The following RAP1GDS1 variants were observed in gnomAD, a reference collection of about 807,000 sequenced individuals.
RAP1GDS1 encodes RAP1, GTP-GDP dissociation stimulator 1.
RAP1GDS1 carries 35 observed loss-of-function variants against 71.1 expected under a neutral mutation model. The observed-to-expected ratio is 0.49, with a 90% confidence interval of 0.38 to 0.65. The LOEUF is 0.65. RAP1GDS1 is among the 30% of genes least tolerant of loss of function. RAP1GDS1 has a pLI of 0.00. For synonymous variants in RAP1GDS1, 229 were observed against 243.1 expected (o/e 0.94, Z 0.54); for missense variants, 663 against 706.1 (o/e 0.94, Z 0.69).
rs540963651 is a variant in RAP1GDS1, at chr4:98,443,497, AG to A, written c.*1381del. On this transcript the variant is annotated 3_prime_UTR_variant, in exon 15 of 15. Transcript: ENST00000408927. ...TAAAAGGCAAGATGGGCTTCGATAT[AG>A]AAGGACTGCAAGACAGTAGAAAGGG... The A allele has an allele frequency of 7.8e-4, 178 of 229,264 alleles. 1 individual carries two copies. Among genetic ancestry groups the A allele is most frequent in the Non-Finnish European group, 1.6e-4 (18 of 115,516 alleles). The allele number at this position is 229,264 out of a possible 1,614,324, so 14.2% of individuals were successfully genotyped here. A position where few individuals can be genotyped will look rare whatever the true frequency, so the allele number is the denominator to read the frequency against.
intron 11 of RAP1GDS1, among the ~76,000 whole-genome samples, chr4:98,420,459 G>A (rs767209280): frequency 6.6e-6 from 1 of 151,934 alleles, no homozygotes; most frequent in Non-Finnish European, 1.5e-5. Flanking sequence ...TCCGCCTCCT[G>A]GGTTCAAGCA....
chr4:98,410,444 AT>A (rs1746880480), intron 7 of RAP1GDS1, among the ~76,000 whole-genome samples: 1 of 152,140 alleles, frequency 6.6e-6, no homozygotes, highest in Admixed American at 6.5e-5. Flanking sequence ...GGGAGTGTAA[AT>A]TGGTACAATT....
In RAP1GDS1 at chr4:98,370,467, T is replaced by C. The variant is rs552349706; in HGVS notation, c.362-8550T>C. On this transcript the variant is annotated intron_variant, in intron 4 of 14. Transcript: ENST00000408927. Reference sequence around the variant, plus strand: ...TCCTTTTTATTCCTGTGCAGTTTTATATAAACCTCCTTTCTCCTTTTTTCT... The same window carrying C: ...TCCTTTTTATTCCTGTGCAGTTTTACATAAACCTCCTTTCTCCTTTTTTCT... 2.7e-3 allele frequency among the ~76,000 whole-genome samples: 410 copies of C among 152,266 alleles called. 3 individuals are homozygous for C. The highest frequency in any genetic ancestry group is 9.6e-3 in the African/African-American group (397 of 41,546).
At chr4:98,420,613 C>T (rs1748706564) in intron 11 of RAP1GDS1, among the ~76,000 whole-genome samples, 1 of 152,162 alleles carries the variant, frequency 6.6e-6, no homozygotes, top group African/African-American at 2.4e-5. Flanking sequence ...CCACCCACTT[C>T]AGCCTCCCAA....
intron 2 of RAP1GDS1, among the ~76,000 whole-genome samples, chr4:98,323,345 A>C (rs953364017): frequency 2.8e-5 from 4 of 142,266 alleles, no homozygotes; most frequent in South Asian, 2.3e-4. Context: ...CCAGAGGTAC[A>C]AGGAGGAACT....
At chr4:98,296,286 G>A (rs1340606795) in intron 2 of RAP1GDS1, among the ~76,000 whole-genome samples, 1 of 152,014 alleles carries the variant, frequency 6.6e-6, no homozygotes, top group Non-Finnish European at 1.5e-5. Flanking sequence ...TAATGCTTTT[G>A]AAATTTTTAC....
chr4:98,389,534 T>C (rs996087757), intron 5 of RAP1GDS1, among the ~76,000 whole-genome samples: 1 of 152,158 alleles, frequency 6.6e-6, no homozygotes, highest in African/African-American at 2.4e-5. Context: ...TGTATGTGAG[T>C]ATATAATGAA....
intron 13 of RAP1GDS1, 148 bp from the exon 14 acceptor site, chr4:98,436,792 T>G (rs1348638329): frequency 6.5e-6 from 5 of 768,318 alleles, no homozygotes; most frequent in Non-Finnish European, 9.1e-6. Context: ...TTTCACATGG[T>G]CTGAATTTAA....
intron 7 of RAP1GDS1, among the ~76,000 whole-genome samples, chr4:98,410,106 CA>C (rs1318243228): frequency 6.6e-6 from 1 of 151,824 alleles, no homozygotes; most frequent in Non-Finnish European, 1.5e-5. Flanking sequence ...TCATCTCTAC[CA>C]AAAACAAATA....
At chr4:98,394,446 T>A (rs562618725) in intron 6 of RAP1GDS1, among the ~76,000 whole-genome samples, 21 of 152,224 alleles carry the variant, frequency 1.4e-4, no homozygotes, top group African/African-American at 4.8e-4. Flanking sequence ...TCTTTTTTTT[T>A]AAACTTTAAG....
At chr4:98,344,993 T>G (rs1209076853) in intron 3 of RAP1GDS1, among the ~76,000 whole-genome samples, 1 of 152,120 alleles carries the variant, frequency 6.6e-6, no homozygotes, top group African/African-American at 2.4e-5. Context: ...CTGGCTAATT[T>G]TTAAATTATT....
intron 4 of RAP1GDS1, among the ~76,000 whole-genome samples, chr4:98,354,554 G>A (rs1737677534): frequency 1.3e-5 from 2 of 151,966 alleles, no homozygotes; most frequent in Admixed American, 1.3e-4. Flanking sequence ...TATTTCCTGT[G>A]TATTCTAAAG....
chr4:98,309,504 G>C (rs906105786), intron 2 of RAP1GDS1, among the ~76,000 whole-genome samples: 1 of 150,512 alleles, frequency 6.6e-6, no homozygotes, highest in African/African-American at 2.4e-5. Context: ...GTTGAAATAG[G>C]AAGAATAATG....
chr4:98,412,357 G>A (rs1391077410), intron 7 of RAP1GDS1, among the ~76,000 whole-genome samples: 1 of 151,974 alleles, frequency 6.6e-6, no homozygotes, highest in Non-Finnish European at 1.5e-5. Context: ...TACAAAAAAA[G>A]TTTAAAAATT....
chr4:98,262,548 G>T (rs922512012), intron 1 of RAP1GDS1, among the ~76,000 whole-genome samples: 1 of 152,160 alleles, frequency 6.6e-6, no homozygotes, highest in Non-Finnish European at 1.5e-5. Context: ...GTAATTAAGA[G>T]CTCAAAGTTT....
At chr4:98,361,485 G>A (rs186096882) in intron 4 of RAP1GDS1, among the ~76,000 whole-genome samples, 26 of 152,050 alleles carry the variant, frequency 1.7e-4, no homozygotes, top group African/African-American at 6.0e-4. Flanking sequence ...AAAAATATAG[G>A]GAGTAAAGAA....
At chr4:98,413,029 C>G (rs769990317) in intron 7 of RAP1GDS1, among the ~76,000 whole-genome samples, 3 of 152,026 alleles carry the variant, frequency 2.0e-5, no homozygotes, top group South Asian at 2.1e-4. Context: ...AAACAGCGTT[C>G]GAGAGCAGAG....
At chr4:98,293,348 G>T in intron 1 of RAP1GDS1, 60 bp from the exon 2 acceptor site, 2 of 1,134,570 alleles carry the variant, frequency 1.8e-6, no homozygotes, top group Non-Finnish European at 2.6e-6. Context: ...TTATCCTTTT[G>T]TCATGTAACA....
chr4:98,329,932 A>AT (rs1250977211), intron 2 of RAP1GDS1, among the ~76,000 whole-genome samples: 4 of 150,684 alleles, frequency 2.7e-5, no homozygotes, highest in African/African-American at 7.3e-5. Flanking sequence ...TTTTTTTTAA[A>AT]TTTTTTTAGT....
Sources: gnomAD v4.1 joint callset for allele counts (sites outside exome capture counted in the v4.1 genomes callset) on GRCh38, gnomAD v4.1.1 for gene constraint, MANE v1.5 for transcripts, NCBI Gene and HGNC (gene_info 2026-07-23, HGNC 2026-07-21) for gene names.